CA5A: variants seen among roughly 807,000 people sequenced by gnomAD.
The protein encoded by CA5A is carbonic anhydrase 5A, also known as carbonic anhydrase 5A, mitochondrial.
Under a neutral mutation model 37.1 loss-of-function variants are expected in CA5A, and 28 were observed. The ratio of observed to expected loss-of-function variants is 0.75; its 90% CI spans 0.56 to 1.03. The LOEUF (loss-of-function observed/expected upper bound fraction) is 1.03, where lower values mean the gene tolerates loss of function less well. CA5A is among the 50% of genes least tolerant of loss of function. CA5A has a pLI of 0.00. For synonymous variants in CA5A, 171 were observed against 158.4 expected, an observed-to-expected ratio of 1.08 and a Z score of -0.60; for missense variants, 444 against 399.9, an observed-to-expected ratio of 1.11 and a Z score of -0.94.
chr16:87,927,739 T>C (rs1187885568), intron 1 of CA5A, among the ~76,000 whole-genome samples: 2 of 151,244 alleles, frequency 1.3e-5, no homozygotes, highest in Non-Finnish European at 2.9e-5. Context: ...CGGGCGCCTG[T>C]AATCCCAGGT....
At chr16:87,902,028 A>G (rs1248322826) in intron 4 of CA5A, 54 bp from the exon 5 acceptor site, 42 of 1,466,734 alleles carry the variant, frequency 2.9e-5, no homozygotes, top group Non-Finnish European at 3.9e-5. Context: ...TGGGGGGGGA[A>G]GCTCACTCCA....
At position 87,926,803 on chromosome 16, in the gene CA5A, G is replaced by C. The variant is rs2056318151; in HGVS notation, c.285C>G (p.Ile95Met). 1.2e-6 allele frequency: 2 copies of C among 1,614,240 alleles called. No individual in the cohort carries two copies. Among genetic ancestry groups the C allele is most frequent in the Non-Finnish European group, 1.7e-6 (2 of 1,180,044 alleles). Residue 95 changes from isoleucine (I) to methionine (M), a missense_variant, in exon 2 of 7, where the codon ATC becomes ATG. Coordinates refer to ENST00000649794, the MANE Select transcript of CA5A (RefSeq NM_001739.2). Reference sequence around the variant, plus strand: ...CCTGGAAGAGGTAGCCAGTGTTCCAGATGTACAGGCAGGATGCCGCTTCAT... The same window carrying C: ...CCTGGAAGAGGTAGCCAGTGTTCCACATGTACAGGCAGGATGCCGCTTCAT... ...VSYEAASCLYIWNTGYLFQVE... is the reference protein window; with the variant it reads ...VSYEAASCLYMWNTGYLFQVE...
intron 1 of CA5A, among the ~76,000 whole-genome samples, chr16:87,929,826 C>G (rs1032313770): frequency 1.0e-4 from 15 of 143,036 alleles, no homozygotes; most frequent in Admixed American, 8.1e-4. Context: ...GAGCCGAGAT[C>G]GCGCCACCGC....
chr16:87,917,468 GAA>G (rs1341385926), intron 2 of CA5A, among the ~76,000 whole-genome samples: 1 of 152,200 alleles, frequency 6.6e-6, no homozygotes, highest in East Asian at 1.9e-4. Context: ...AGAAAGCAGA[GAA>G]AATATCTGTA....
At chr16:87,882,642 G>T (rs2055617530) in intron 4 of CA5A, 1 of 152,226 alleles carries the variant, frequency 6.6e-6, no homozygotes, top group Middle Eastern at 3.2e-3. Flanking sequence ...ACCCACAGCG[G>T]GGCTGGAGCT....
chr16:87,890,697 C>G (rs2055700164), intron 6 of CA5A, among the ~76,000 whole-genome samples: 1 of 152,184 alleles, frequency 6.6e-6, no homozygotes, highest in South Asian at 2.1e-4. Context: ...CTCACTGCAA[C>G]CTCCGCCTTC....
intron 2 of CA5A, among the ~76,000 whole-genome samples, chr16:87,913,661 C>G (rs942082558): frequency 6.9e-6 from 1 of 145,480 alleles, no homozygotes; most frequent in African/African-American, 2.6e-5. Context: ...TGGCCCCCCC[C>G]TCCTCTCCAA....
intron 2 of CA5A, among the ~76,000 whole-genome samples, chr16:87,906,430 C>G (rs546481170): frequency 6.6e-6 from 1 of 152,196 alleles, no homozygotes; most frequent in African/African-American, 2.4e-5. Context: ...GAGTTAGAGA[C>G]CAGCCTGGCC....
intron 1 of CA5A, among the ~76,000 whole-genome samples, chr16:87,929,850 CAAT>C (rs2056374551): frequency 9.8e-6 from 1 of 102,468 alleles, no homozygotes; most frequent in African/African-American, 3.9e-5. Context: ...CCAGCCTGGG[CAAT>C]ACAGCGAGAC....
At chr16:87,886,703 C>A (rs1054139685), downstream of CA5A, 19 of 151,914 alleles carry the variant, frequency 1.3e-4, no homozygotes, top group African/African-American at 4.6e-4. Context: ...ATGAATTGAT[C>A]GATCAATCAA....
intron 5 of CA5A, among the ~76,000 whole-genome samples, chr16:87,898,768 G>A (rs1393529745): frequency 1.4e-5 from 2 of 145,306 alleles, no homozygotes; most frequent in African/African-American, 5.2e-5. Context: ...GGATTCTCGA[G>A]CTGTCACCCA....
intron 2 of CA5A, among the ~76,000 whole-genome samples, chr16:87,907,785 G>A (rs2055987243): frequency 6.6e-6 from 1 of 152,170 alleles, no homozygotes; most frequent in African/African-American, 2.4e-5. Flanking sequence ...AATTAGCCAG[G>A]TGTGGTGGCA....
downstream of CA5A, chr16:87,883,547 GTCT>G (rs2055625613): frequency 6.6e-6 from 1 of 150,560 alleles, no homozygotes; most frequent in Non-Finnish European, 1.5e-5. Context: ...AGCCAGGATG[GTCT>G]TGATCTCCTG....
intron 2 of CA5A, among the ~76,000 whole-genome samples, chr16:87,905,670 TTAAA>T (rs1290601683): frequency 1.3e-5 from 2 of 152,192 alleles, no homozygotes; most frequent in African/African-American, 4.8e-5. Context: ...AGCAAGGTCT[TTAAA>T]TAAGAAGACC....
At chr16:87,882,344 T>G (rs1382979407) in intron 4 of CA5A, 1 of 152,266 alleles carries the variant, frequency 6.6e-6, no homozygotes, top group African/African-American at 2.4e-5. Context: ...TGCTGCGCTT[T>G]TTCCTTGACT....
chr16:87,894,068 G>A (rs1003092362), intron 5 of CA5A, among the ~76,000 whole-genome samples: 34 of 152,310 alleles, frequency 2.2e-4, no homozygotes, highest in African/African-American at 8.2e-4. Context: ...CAGCTCTTTT[G>A]GATATATACC....
At chr16:87,923,203 T>TC (rs1203892786) in intron 2 of CA5A, among the ~76,000 whole-genome samples, 5 of 152,300 alleles carry the variant, frequency 3.3e-5, no homozygotes, top group Non-Finnish European at 5.9e-5. Context: ...GCGCTTTTTT[T>TC]CCCGCGATGG....
At chr16:87,924,540 G>A (rs569669238) in intron 2 of CA5A, among the ~76,000 whole-genome samples, 2 of 152,352 alleles carry the variant, frequency 1.3e-5, no homozygotes, top group African/African-American at 2.4e-5. Context: ...ACGGCTCAGC[G>A]CACTCATCCG....
At chr16:87,891,754 C>A (rs541887568) in intron 6 of CA5A, 45 bp downstream of exon 6, 2 of 1,433,002 alleles carry the variant, frequency 1.4e-6, no homozygotes, top group Non-Finnish European at 1.8e-6. Flanking sequence ...GCAAGAGGGA[C>A]GCCTTCCATG....
Sources: gnomAD v4.1 joint callset for allele counts (sites outside exome capture counted in the v4.1 genomes callset) on GRCh38, gnomAD v4.1.1 for gene constraint, MANE v1.5 for transcripts, NCBI Gene and HGNC (gene_info 2026-07-23, HGNC 2026-07-21) for gene names.